The following WDR31 variants were observed in gnomAD, a reference collection of about 807,000 sequenced individuals.
The protein encoded by WDR31 is WD repeat domain 31.
In WDR31, 30 loss-of-function variants were observed where a neutral mutation model predicts 47.3. The ratio of observed to expected loss-of-function variants is 0.63; its 90% CI spans 0.47 to 0.86. WDR31 has a LOEUF of 0.86. Among genes scored for constraint, WDR31 ranks in the 40% least tolerant of loss-of-function variants. The pLI is 0.00. For synonymous variants in WDR31, 137 were observed against 159.4 expected (o/e 0.86, Z 1.06); for missense variants, 406 against 442.9 (o/e 0.92, Z 0.75).
intron 5 of WDR31, among the ~76,000 whole-genome samples, chr9:113,323,703 G>A (rs1401657361): frequency 1.3e-5 from 2 of 152,224 alleles, no homozygotes; most frequent in Non-Finnish European, 2.9e-5. Context: ...TTCAGGGTAA[G>A]GTTAAAAATC....
chr9:113,316,657 C>T lies in WDR31; in HGVS notation c.*92G>A. Reference sequence around the variant, plus strand: ...ACCTAAGCAAAGAATACCAGCCCTACATCCCACTCCCCTCAAGATAACTGG... The same window carrying T: ...ACCTAAGCAAAGAATACCAGCCCTATATCCCACTCCCCTCAAGATAACTGG... On this transcript the variant is annotated 3_prime_UTR_variant, in exon 11 of 11. Transcript: ENST00000374193. 3.4e-6 allele frequency: 5 copies of T among 1,452,530 alleles called. No individual in the cohort carries two copies. The highest frequency in any genetic ancestry group is 2.1e-5 in the Admixed American group (1 of 47,094). The allele number at this position is 1,452,530 out of a possible 1,614,324, so 90.0% of individuals were successfully genotyped here.
At chr9:113,323,788 G>C (rs555963595) in intron 5 of WDR31, among the ~76,000 whole-genome samples, 4 of 152,296 alleles carry the variant, frequency 2.6e-5, no homozygotes, top group South Asian at 4.1e-4. Flanking sequence ...CCTCCTGTGG[G>C]ATTCCTTTTG....
At chr9:113,327,417 ATGCACACACACACACACACACACACG>A (rs1833497555) in intron 5 of WDR31, among the ~76,000 whole-genome samples, 1 of 144,660 alleles carries the variant, frequency 6.9e-6, no homozygotes, top group Non-Finnish European at 1.5e-5. Context: ...CAAGTGTTAC[ATGCACACACACACACACACACACACG>A]TGCACACACA....
At chr9:113,334,688 C>T (rs907171647) in intron 2 of WDR31, among the ~76,000 whole-genome samples, 10 of 139,958 alleles carry the variant, frequency 7.1e-5, no homozygotes, top group Admixed American at 1.4e-4. Flanking sequence ...TACAGGCATG[C>T]GCCACTACAT....
chr9:113,318,272 C>T (rs941963670), intron 10 of WDR31, among the ~76,000 whole-genome samples: 2 of 152,190 alleles, frequency 1.3e-5, no homozygotes, highest in Non-Finnish European at 2.9e-5. Context: ...GCCAAATCTA[C>T]GTGAGTTCTC....
chr9:113,324,931 C>G (rs1379242850), intron 5 of WDR31, among the ~76,000 whole-genome samples: 4 of 147,598 alleles, frequency 2.7e-5, no homozygotes, highest in Non-Finnish European at 3.0e-5. Context: ...AGCTGTTTTG[C>G]ATTAGATATG....
intron 9 of WDR31, 36 bp from the exon 10 acceptor site, chr9:113,318,673 T>C (rs1833264122): frequency 6.2e-7 from 1 of 1,608,526 alleles, no homozygotes; most frequent in Non-Finnish European, 8.5e-7. Flanking sequence ...TCATAGTCAC[T>C]TGTCTAGCTT....
intron 4 of WDR31, 133 bp from the exon 5 acceptor site, chr9:113,329,088 G>A (rs967041971): frequency 1.0e-5 from 8 of 786,258 alleles, no homozygotes; most frequent in African/African-American, 8.6e-5. Context: ...CAAAGCATTC[G>A]GGGTTCCCTG....
At chr9:113,334,806 A>G (rs1588051262) in intron 2 of WDR31, among the ~76,000 whole-genome samples, 1 of 139,884 alleles carries the variant, frequency 7.1e-6, no homozygotes, top group African/African-American at 2.7e-5. Context: ...TGATCCACCC[A>G]CCTTGACTTC....
At position 113,318,387 on chromosome 9, in the gene WDR31, TA is replaced by T. The variant is rs536500213; in HGVS notation, c.943+87del. The stretch of plus-strand genomic sequence containing the variant: ...CAGTGGCAGAAGATGGGTGGCTTTG[TA>T]ATGCTGAGCAATGGGAAGAAGGAGT... On this transcript the variant is annotated intron_variant, in intron 10 of 10. Transcript: ENST00000374193. 2,212 of 1,511,576 alleles carry T rather than the reference TA, an allele frequency of 1.5e-3. 2 individuals are homozygous for T. Among genetic ancestry groups the T allele is most frequent in the Non-Finnish European group, 1.9e-3 (2,063 of 1,101,978 alleles). 93.6% of individuals were successfully genotyped at this position (1,511,576 alleles called of 1,614,324 possible).
Position 113,321,721 on chromosome 9 carries a change from T to G in WDR31, c.571-143A>C. The G allele has an allele frequency of 6.9e-6, 5 of 728,452 alleles. No individual in the cohort carries two copies. In the East Asian group the frequency reaches 1.4e-4, roughly 20 times the overall value. 45.1% of individuals were successfully genotyped at this position (728,452 alleles called of 1,614,324 possible). On this transcript the variant is annotated intron_variant, in intron 7 of 10. Transcript: ENST00000374193. ...ATTCATTTACAGGCATCTTAGGTTTTGCAGATACCTATCAGTCATGCTCTA... is the reference window on the plus strand; with the variant it reads ...ATTCATTTACAGGCATCTTAGGTTTGGCAGATACCTATCAGTCATGCTCTA...
At chr9:113,332,206 AAAAC>A (rs1833614103) in intron 2 of WDR31, among the ~76,000 whole-genome samples, 156 bp from the exon 3 acceptor site, 1 of 152,230 alleles carries the variant, frequency 6.6e-6, no homozygotes, top group South Asian at 2.1e-4. Context: ...CAGACACACA[AAAAC>A]AAAACTGATT....
intron 5 of WDR31, among the ~76,000 whole-genome samples, chr9:113,325,134 T>C (rs973443559): frequency 3.3e-5 from 5 of 151,814 alleles, no homozygotes; most frequent in African/African-American, 1.2e-4. Context: ...TTTTAATTTT[T>C]AGTAGACATG....
intron 1 of WDR31, among the ~76,000 whole-genome samples, chr9:113,339,272 A>G (rs1417878085): frequency 6.6e-6 from 1 of 152,176 alleles, no homozygotes; most frequent in African/African-American, 2.4e-5. Flanking sequence ...CGACTGTTCT[A>G]TTCCATGAAG....
chr9:113,320,011 C>G (rs1022669905), intron 9 of WDR31, among the ~76,000 whole-genome samples: 4 of 152,170 alleles, frequency 2.6e-5, no homozygotes, highest in Non-Finnish European at 4.4e-5. Flanking sequence ...GCCTCAAACT[C>G]CTAGGCTCAG....
At position 113,313,463 on chromosome 9, in the gene WDR31, C is replaced by T. The variant is rs1833120277; in HGVS notation, c.*3286G>A. On this transcript the variant is annotated 3_prime_UTR_variant, in exon 11 of 11. Transcript: ENST00000374193. ...TGTCCCTGAGACAGCTGTCTACTGCCCCTAGGCACTTGGGCAGGGGATCTC... is the reference window on the plus strand; with the variant it reads ...TGTCCCTGAGACAGCTGTCTACTGCTCCTAGGCACTTGGGCAGGGGATCTC... The T allele has an allele frequency of 6.6e-6, 1 of 152,220 alleles. No homozygotes were observed. Among genetic ancestry groups the T allele is most frequent in the South Asian group, 2.1e-4 (1 of 4,832 alleles). The allele number at this position is 152,220 out of a possible 1,614,324, so 9.4% of individuals were successfully genotyped here. A position where few individuals can be genotyped will look rare whatever the true frequency, so the allele number is the denominator to read the frequency against.
intron 2 of WDR31, among the ~76,000 whole-genome samples, chr9:113,332,607 A>G (rs1265009049): frequency 1.3e-5 from 2 of 152,246 alleles, no homozygotes; most frequent in African/African-American, 2.4e-5. Context: ...ATCTATAGAG[A>G]CAAAAAGCAG....
At position 113,315,105 on chromosome 9, in the gene WDR31, C is replaced by T. The variant is rs1402938189; in HGVS notation, c.*1644G>A. The T allele has an allele frequency of 6.6e-6, 1 of 151,972 alleles. No homozygotes were observed. The highest frequency in any genetic ancestry group is 2.4e-5 in the African/African-American group (1 of 41,356). 9.4% of individuals were successfully genotyped at this position (151,972 alleles called of 1,614,324 possible). A position where few individuals can be genotyped will look rare whatever the true frequency, so the allele number is the denominator to read the frequency against. On this transcript the variant is annotated 3_prime_UTR_variant, in exon 11 of 11. Transcript: ENST00000374193. ...TTGTACTAGCTTAAGAACAGACTCT[C>T]AGCTGGATGTGGTGGCTCATACCTG...
At chr9:113,320,571 A>G in intron 8 of WDR31, 73 bp from the exon 9 acceptor site, 2 of 1,546,422 alleles carry the variant, frequency 1.3e-6, no homozygotes, top group Non-Finnish European at 1.7e-6. Flanking sequence ...TCCCACTACC[A>G]AAAAAGTCTT....
Sources: gnomAD v4.1 joint callset for allele counts (sites outside exome capture counted in the v4.1 genomes callset) on GRCh38, gnomAD v4.1.1 for gene constraint, MANE v1.5 for transcripts, NCBI Gene and HGNC (gene_info 2026-07-23, HGNC 2026-07-21) for gene names.